Variants in HERC2 observed in about 807,000 individuals in gnomAD.
HERC2 encodes the protein HECT and RLD domain containing E3 ubiquitin protein ligase 2, also known as E3 ubiquitin-protein ligase HERC2.
A neutral mutation model predicts 537.7 loss-of-function variants in HERC2; 102 were observed. That is an observed-to-expected ratio of 0.19 (90% CI 0.16 to 0.22). The LOEUF (loss-of-function observed/expected upper bound fraction) is 0.22, where lower values mean the gene tolerates loss of function less well. HERC2 is among the 10% of genes least tolerant of loss of function. The probability of loss-of-function intolerance (pLI) is 1.00; values close to 1 mark genes in which losing one functional copy is unlikely to be tolerated. For missense variants in HERC2, 4,236 were observed against 6,198.2 expected (o/e 0.68, Z 10.63); for synonymous variants, 2,224 against 2,466.2 (o/e 0.90, Z 2.91).
At position 28,163,087 on chromosome 15, in the gene HERC2, G is replaced by C. The variant is rs375795824; in HGVS notation, c.10746+7C>G. 373 of 1,605,850 alleles carry C rather than the reference G, an allele frequency of 2.3e-4. No homozygotes were observed. Among genetic ancestry groups the C allele is most frequent in the Non-Finnish European group, 3.0e-4 (355 of 1,177,890 alleles). ...AATCAGACGGCCCCGCCCTCCCTGAGACTCACCTGTGGGTAGGCGGTCCCC... is the reference window on the plus strand; with the variant it reads ...AATCAGACGGCCCCGCCCTCCCTGACACTCACCTGTGGGTAGGCGGTCCCC... On this transcript the variant is annotated splice_region_variant and intron_variant, in intron 69 of 92. Transcript: ENST00000261609.
At chr15:28,245,546 CA>C (rs552182472) in intron 23 of HERC2, among the ~76,000 whole-genome samples, 1,832 of 106,946 alleles carry the variant, frequency 0.017, 37 homozygotes, top group African/African-American at 0.055. Flanking sequence ...GATGTAGTGT[CA>C]AAAAAAAAAA....
chr15:28,272,754 A>C (rs944874441), intron 8 of HERC2, 140 bp downstream of exon 8: 106 of 604,622 alleles, frequency 1.8e-4, no homozygotes, highest in Middle Eastern at 4.4e-4. Flanking sequence ...GTAAAGAGAG[A>C]GAGCCCTGGG....
At chr15:28,199,939 G>A (rs949813363) in intron 48 of HERC2, among the ~76,000 whole-genome samples, 1 of 152,156 alleles carries the variant, frequency 6.6e-6, no homozygotes, top group East Asian at 1.9e-4. Context: ...AGAGGACGGG[G>A]GAAGGAGTAT....
rs140027229 is a variant in HERC2, at chr15:28,202,356, T to C, written c.7471A>G (p.Ser2491Gly). The C allele has an allele frequency of 4.8e-4, 781 of 1,613,424 alleles. 3 individuals are homozygous for C. Among genetic ancestry groups the C allele is most frequent in the South Asian group, 4.4e-3 (399 of 90,914 alleles). The change falls in exon 46 of 93, where the codon AGC (serine) becomes GGC (glycine). Residue 2491 changes from serine to glycine, a missense_variant. Around this residue, in one of 27 missense-constraint regions of HERC2, gnomAD observed 606 missense variants for 884.5 expected, o/e 0.69. Coordinates refer to ENST00000261609, the MANE Select transcript of HERC2 (RefSeq NM_004667.6). ...CAGGAAAACGAAGTACCAGGCAAGC[T>C]GGATGCATTCCCGGAAGCACCAGTG... ...SLTGASGNAS[S>G]LPGVEALVGW...
At chr15:28,153,650 C>T (rs963138951) in intron 69 of HERC2, among the ~76,000 whole-genome samples, 1 of 150,724 alleles carries the variant, frequency 6.6e-6, no homozygotes, top group African/African-American at 2.4e-5. Context: ...GACTCTGTCT[C>T]GAAAAAAGAA....
At chr15:28,169,978 G>A (rs867642487) in intron 65 of HERC2, among the ~76,000 whole-genome samples, 1 of 152,032 alleles carries the variant, frequency 6.6e-6, no homozygotes, top group Non-Finnish European at 1.5e-5. Context: ...TTCTTACCCC[G>A]GTAAGACAAG....
chr15:28,282,996 C>T (rs184672268), intron 4 of HERC2, among the ~76,000 whole-genome samples: 26 of 113,960 alleles, frequency 2.3e-4, no homozygotes, highest in African/African-American at 7.3e-4. Flanking sequence ...CTGGATGGGA[C>T]GGGATGGGAA....
intron 50 of HERC2, 123 bp downstream of exon 50, chr15:28,198,255 G>A (rs1230410573): frequency 9.6e-6 from 11 of 1,141,654 alleles, no homozygotes; most frequent in Non-Finnish European, 1.3e-5. Context: ...ACAAGCAAAG[G>A]AACACTCTAT....
In HERC2 at chr15:28,176,854, C is replaced by A; in HGVS notation, c.9433-86G>T. On this transcript the variant is annotated intron_variant, in intron 61 of 92. Transcript: ENST00000261609. The surrounding 1 kb of genome is among the most constrained non-coding windows in gnomAD (Gnocchi z 5.0). ...TCCCACAGATAAAGCCAACCATGCA[C>A]ACATCTTTATGAACTTTCCTAGACT... 6.3e-7 allele frequency: 1 copy of A among 1,575,508 alleles called. No individual in the cohort carries two copies. The highest frequency in any genetic ancestry group is 8.7e-7 in the Non-Finnish European group (1 of 1,149,872).
chr15:28,123,195 C>T (rs969409716), intron 85 of HERC2, among the ~76,000 whole-genome samples: 1 of 152,160 alleles, frequency 6.6e-6, no homozygotes, highest in Non-Finnish European at 1.5e-5. Context: ...CAGCAGAAAT[C>T]GTTCTAGCCA....
intron 69 of HERC2, among the ~76,000 whole-genome samples, chr15:28,162,276 G>C (rs1488980813): frequency 6.6e-6 from 1 of 152,198 alleles, no homozygotes; most frequent in East Asian, 1.9e-4. Context: ...GTGATCCTGG[G>C]AGGCTGAGAT....
chr15:28,280,977 C>T (rs553786639), intron 4 of HERC2, among the ~76,000 whole-genome samples: 27 of 152,152 alleles, frequency 1.8e-4, no homozygotes, highest in African/African-American at 6.5e-4. Flanking sequence ...AGCAGCACAT[C>T]TCCTAAACAG....
chr15:28,236,437 C>G (rs142952871), intron 26 of HERC2, among the ~76,000 whole-genome samples: 1,749 of 151,712 alleles, frequency 0.012, 15 homozygotes, highest in Non-Finnish European at 0.019. Context: ...ATTACAGGCA[C>G]CCGTCACCAC....
At chr15:28,276,345 G>A (rs563046361) in intron 5 of HERC2, among the ~76,000 whole-genome samples, 4 of 152,110 alleles carry the variant, frequency 2.6e-5, no homozygotes, top group Non-Finnish European at 4.4e-5. Context: ...CGGGAGCTCA[G>A]AGAGGAAACA....
In HERC2 at chr15:28,144,138, G is replaced by A. The variant is rs114532098; in HGVS notation, c.11238C>T (p.Asn3746=). 651 of 1,614,212 alleles carry A rather than the reference G, an allele frequency of 4.0e-4. 1 individual carries two copies. The African/African-American group carries it at 7.6e-3, about 19-fold the overall frequency. ...CCGCAAGGCGAGGGACGATGCTTCT[G>A]TTAGAGGCAAGGTTGAGTCGGAAGT... ...LLDFRLNLAS[N]RSIVPRLAAS... The change falls in exon 73 of 93, where the codon AAC becomes AAT. Residue 3746 remains asparagine, a synonymous_variant. Transcript: ENST00000261609.
At chr15:28,124,982 C>T in intron 84 of HERC2, 24 bp downstream of exon 84, 1 of 1,576,646 alleles carries the variant, frequency 6.3e-7, no homozygotes, top group Non-Finnish European at 8.7e-7. Context: ...TTGCCCCCGA[C>T]CCACCCAACC....
intron 56 of HERC2, among the ~76,000 whole-genome samples, chr15:28,184,024 C>A: frequency 6.6e-6 from 1 of 151,172 alleles, no homozygotes; most frequent in South Asian, 2.1e-4. Context: ...CTCATTTCTA[C>A]AAAAAAAATA....
In HERC2 at chr15:28,177,134, CA is replaced by C; in HGVS notation, c.9255-8del. ...CCTTGGTTTGTCACAGTTCCTACAA[CA>C]AGATGAAATCAGCTCTCTACAGTCA... On this transcript the variant is annotated splice_polypyrimidine_tract_variant and splice_region_variant and intron_variant, in intron 60 of 92. Transcript: ENST00000261609. The surrounding 1 kb of genome is among the most constrained non-coding windows in gnomAD (Gnocchi z 5.0). 6.2e-7 allele frequency: 1 copy of C among 1,607,168 alleles called. No individual in the cohort carries two copies. Among genetic ancestry groups the C allele is most frequent in the Non-Finnish European group, 8.5e-7 (1 of 1,175,128 alleles).
chr15:28,239,823 A>G (rs1223557416), intron 23 of HERC2, among the ~76,000 whole-genome samples: 2 of 152,168 alleles, frequency 1.3e-5, no homozygotes, highest in Non-Finnish European at 2.9e-5. Flanking sequence ...GCTTCTTTGA[A>G]AAAGAAAACG....
Sources: allele counts gnomAD v4.1 joint callset (sites outside exome capture counted in the v4.1 genomes callset), GRCh38; gene constraint gnomAD v4.1.1; regional missense constraint gnomAD v4.1.1; non-coding constraint Gnocchi (gnomAD v3.1); transcripts MANE v1.5; gene names NCBI Gene and HGNC (gene_info 2026-07-23, HGNC 2026-07-21).